ARB2A: variants seen among roughly 807,000 people sequenced by gnomAD.
ARB2A encodes the protein cotranscriptional regulator ARB2A.
the ARB2A span, among the ~76,000 whole-genome samples, chr5:94,101,893 A>G: frequency 1.3e-4 from 20 of 152,092 alleles, no homozygotes; most frequent in African/African-American, 4.8e-4. Context: ...AAACCCTGTG[A>G]CACATGTTAT....
chr5:94,080,467 T>C, the ARB2A span, among the ~76,000 whole-genome samples: 13 of 151,924 alleles, frequency 8.6e-5, no homozygotes, highest in Admixed American at 7.9e-4. Context: ...GAACTCGAGG[T>C]TCAACATAGA....
chr5:93,686,730 T>G, the ARB2A span, among the ~76,000 whole-genome samples: 1 of 152,208 alleles, frequency 6.6e-6, no homozygotes, highest in Admixed American at 6.5e-5. Context: ...GGCTTGTCCC[T>G]GGCTAACAGA....
the ARB2A span, among the ~76,000 whole-genome samples, chr5:93,767,798 T>A: frequency 6.6e-6 from 1 of 151,218 alleles, no homozygotes; most frequent in African/African-American, 2.4e-5. Context: ...ATGGAGACCA[T>A]CCTGGCTAAC....
chr5:93,704,438 C>T, the ARB2A span, among the ~76,000 whole-genome samples: 1 of 152,248 alleles, frequency 6.6e-6, no homozygotes, highest in East Asian at 1.9e-4. Context: ...GTGGCATGCA[C>T]CTGTAGTTCC....
chr5:93,755,341 T>C, the ARB2A span, among the ~76,000 whole-genome samples: 1 of 152,188 alleles, frequency 6.6e-6, no homozygotes, highest in East Asian at 1.9e-4. Flanking sequence ...TAGAAAACAC[T>C]ATAAATAGAG....
At chr5:93,959,503 A>G in the ARB2A span, among the ~76,000 whole-genome samples, 1 of 152,108 alleles carries the variant, frequency 6.6e-6, no homozygotes, top group African/African-American at 2.4e-5. Context: ...TTGGAGATAG[A>G]CGTATTGGAA....
the ARB2A span, among the ~76,000 whole-genome samples, chr5:93,726,578 G>C: frequency 6.6e-6 from 1 of 152,180 alleles, no homozygotes; most frequent in South Asian, 2.1e-4. Context: ...GAGATGGAAG[G>C]AGTTTGGATG....
At chr5:93,701,640 G>A in the ARB2A span, among the ~76,000 whole-genome samples, 3 of 151,438 alleles carry the variant, frequency 2.0e-5, no homozygotes, top group Non-Finnish European at 2.9e-5. Flanking sequence ...ATATAGGTGC[G>A]ATCCACTAGC....
At chr5:93,816,134 T>C in the ARB2A span, among the ~76,000 whole-genome samples, 1 of 152,194 alleles carries the variant, frequency 6.6e-6, no homozygotes, top group African/African-American at 2.4e-5. Flanking sequence ...TAAATAGCTT[T>C]GATTGTGAAT....
At chr5:93,825,747 G>A in the ARB2A span, among the ~76,000 whole-genome samples, 1 of 151,922 alleles carries the variant, frequency 6.6e-6, no homozygotes, top group Non-Finnish European at 1.5e-5. Context: ...GAATTATATA[G>A]CAGAAAGTTA....
chr5:93,792,792 T>G, the ARB2A span, among the ~76,000 whole-genome samples: 2 of 151,822 alleles, frequency 1.3e-5, no homozygotes, highest in African/African-American at 4.8e-5. Context: ...ATGGCACATG[T>G]ATACATATGT....
At chr5:93,719,246 G>C in the ARB2A span, among the ~76,000 whole-genome samples, 4 of 152,128 alleles carry the variant, frequency 2.6e-5, no homozygotes, top group Non-Finnish European at 5.9e-5. Flanking sequence ...GCTGTTACAA[G>C]CTGAAACATT....
the ARB2A span, among the ~76,000 whole-genome samples, chr5:93,698,411 A>T: frequency 6.6e-6 from 1 of 152,334 alleles, no homozygotes; most frequent in South Asian, 2.1e-4. Context: ...AATAACTAAA[A>T]TATATACAGG....
chr5:93,932,106 T>C, the ARB2A span, among the ~76,000 whole-genome samples: 459 of 152,300 alleles, frequency 3.0e-3, 4 homozygotes, highest in African/African-American at 0.01. Flanking sequence ...ATTGGTGGAA[T>C]TGAGATAGTT....
the ARB2A span, among the ~76,000 whole-genome samples, chr5:93,917,463 A>G: frequency 6.6e-6 from 1 of 152,220 alleles, no homozygotes; most frequent in Non-Finnish European, 1.5e-5. Context: ...TCAAAAAATA[A>G]AAACACCTCA....
chr5:94,070,620 A>G, the ARB2A span, among the ~76,000 whole-genome samples: 8 of 152,092 alleles, frequency 5.3e-5, no homozygotes, highest in African/African-American at 1.9e-4. Context: ...GTACAAACAC[A>G]TATCAATAAA....
chr5:94,071,720 C>T, the ARB2A span, among the ~76,000 whole-genome samples: 1 of 152,058 alleles, frequency 6.6e-6, no homozygotes, highest in Non-Finnish European at 1.5e-5. Flanking sequence ...ATACCAAATG[C>T]TGAGGAGGAT....
the ARB2A span, among the ~76,000 whole-genome samples, chr5:93,804,448 T>C: frequency 6.6e-6 from 1 of 151,894 alleles, no homozygotes; most frequent in Non-Finnish European, 1.5e-5. Flanking sequence ...TAGACTCTTA[T>C]TATACCAAAA....
At chr5:93,797,069 A>G in the ARB2A span, among the ~76,000 whole-genome samples, 14 of 152,156 alleles carry the variant, frequency 9.2e-5, no homozygotes, top group Non-Finnish European at 2.1e-4. Flanking sequence ...AGTCCACTAT[A>G]CAACAAGTTT....
Sources: allele counts gnomAD v4.1 joint callset (sites outside exome capture counted in the v4.1 genomes callset), GRCh38; gene constraint gnomAD v4.1.1; transcripts MANE v1.5; gene names NCBI Gene and HGNC (gene_info 2026-07-23, HGNC 2026-07-21).